Variants in ZNF451 observed in about 807,000 individuals in gnomAD.
The protein encoded by ZNF451 is zinc finger protein 451, also known as E3 SUMO-protein ligase ZNF451.
ZNF451 carries 80 observed loss-of-function variants against 107.1 expected under a neutral mutation model. The observed-to-expected ratio is 0.75, with a 90% confidence interval of 0.62 to 0.90. The LOEUF (loss-of-function observed/expected upper bound fraction) is 0.90. ZNF451 is among the 40% of genes least tolerant of loss of function. ZNF451 has a pLI of 0.00. For synonymous variants in ZNF451, 362 were observed against 406.5 expected (o/e 0.89, Z 1.32); for missense variants, 1,107 against 1,236.2 (o/e 0.90, Z 1.57).
At chr6:57,151,334 T>C (rs1832337171) in intron 11 of ZNF451, 1 of 142,464 alleles carries the variant, frequency 7.0e-6, no homozygotes, top group Non-Finnish European at 1.5e-5. Context: ...ATCGCACCAC[T>C]GCTCTCCAGC....
At chr6:57,127,361 A>G (rs1339262944) in intron 4 of ZNF451, among the ~76,000 whole-genome samples, 2 of 152,208 alleles carry the variant, frequency 1.3e-5, no homozygotes, top group Non-Finnish European at 2.9e-5. Flanking sequence ...AAAAATGTAT[A>G]TAATGCATAT....
intron 3 of ZNF451, among the ~76,000 whole-genome samples, chr6:57,113,801 TTAGTAGAGATG>T (rs1199286415): frequency 2.0e-5 from 3 of 152,002 alleles, no homozygotes; most frequent in Non-Finnish European, 4.4e-5. Flanking sequence ...TTTTGTATTT[TTAGTAGAGATG>T]GGGTTTCACC....
rs1200139580 is a variant in ZNF451 at position 57,148,308 on chromosome 6, T to G, written c.2223T>G (p.Cys741Trp). The G allele has an allele frequency of 1.2e-6, 2 of 1,613,950 alleles. No individual in the cohort carries two copies. The highest frequency in any genetic ancestry group is 1.1e-5 in the South Asian group (1 of 91,062). Residue 741 changes from cysteine (C) to tryptophan (W), a missense_variant, in exon 10 of 15, where the codon TGT becomes TGG. By Grantham distance (215) the Cys-to-Trp change is radical. Coordinates refer to ENST00000370706, the MANE Select transcript of ZNF451 (RefSeq NM_001031623.3). Reference sequence around the variant, plus strand: ...ACAGAAAAGAAGATTATAGCAGATGTCTCCAAATCATGCTGGATAAAGGAA... The same window carrying G: ...ACAGAAAAGAAGATTATAGCAGATGGCTCCAAATCATGCTGGATAAAGGAA... ...KVNRKEDYSRCLQIMLDKGKL... is the reference protein window; with the variant it reads ...KVNRKEDYSRWLQIMLDKGKL...
intron 3 of ZNF451, chr6:57,108,863 C>G: frequency 2.0e-6 from 2 of 985,406 alleles, no homozygotes; most frequent in African/African-American, 3.5e-5. Flanking sequence ...ACTGAAACTT[C>G]ATTAAGTCAT....
chr6:57,098,080 C>T (rs1288680843), intron 2 of ZNF451, among the ~76,000 whole-genome samples: 1 of 150,852 alleles, frequency 6.6e-6, no homozygotes, highest in African/African-American at 2.4e-5. Context: ...AGCAATTCTC[C>T]AGCCTCAGCC....
chr6:57,128,964 A>G, intron 5 of ZNF451, 124 bp downstream of exon 5: 2 of 614,332 alleles, frequency 3.3e-6, no homozygotes, highest in Non-Finnish European at 5.5e-6. Context: ...AGTGATACTA[A>G]TATCACCTCA....
intron 13 of ZNF451, among the ~76,000 whole-genome samples, chr6:57,160,143 T>A (rs891466314): frequency 6.6e-6 from 1 of 152,234 alleles, no homozygotes; most frequent in Non-Finnish European, 1.5e-5. Context: ...ACAGAGTGTT[T>A]CCATGTACCC....
At chr6:57,094,062 G>A (rs1250794216) in intron 2 of ZNF451, among the ~76,000 whole-genome samples, 1 of 152,184 alleles carries the variant, frequency 6.6e-6, no homozygotes, top group African/African-American at 2.4e-5. Flanking sequence ...TACCTTTTTA[G>A]TAGACCATAT....
chr6:57,132,891 C>A, intron 5 of ZNF451, 151 bp from the exon 6 acceptor site: 1 of 752,068 alleles, frequency 1.3e-6, no homozygotes, highest in Admixed American at 3.1e-5. Flanking sequence ...GTTATTATAT[C>A]TTTTATAAGA....
intron 4 of ZNF451, 119 bp downstream of exon 4, chr6:57,124,978 T>C (rs914356626): frequency 1.9e-6 from 1 of 532,498 alleles, no homozygotes; most frequent in Non-Finnish European, 2.9e-6. Context: ...GTACCCTAGA[T>C]AGCTCATGAA....
chr6:57,096,399 T>C (rs2127934060), intron 2 of ZNF451, among the ~76,000 whole-genome samples: 1 of 151,888 alleles, frequency 6.6e-6, no homozygotes, highest in African/African-American at 2.4e-5. Flanking sequence ...TTGGCCAGGC[T>C]GGTCTCAAAT....
chr6:57,167,194 C>T (rs1763939140), intron 14 of ZNF451, among the ~76,000 whole-genome samples: 1 of 151,946 alleles, frequency 6.6e-6, no homozygotes, highest in South Asian at 2.1e-4. Context: ...CACACACACA[C>T]ACACACACAC....
intron 9 of ZNF451, among the ~76,000 whole-genome samples, chr6:57,145,924 A>G (rs1198325415): frequency 6.6e-6 from 1 of 152,208 alleles, no homozygotes; most frequent in Non-Finnish European, 1.5e-5. Flanking sequence ...TCAACAGTGT[A>G]TAAGTGTTCC....
intron 13 of ZNF451, chr6:57,154,526 C>G (rs918957842): frequency 1.3e-4 from 22 of 165,408 alleles, no homozygotes; most frequent in Admixed American, 9.9e-4. Flanking sequence ...TGGGTACATC[C>G]TATCTTATTG....
chr6:57,100,777 A>C lies in ZNF451; in HGVS notation c.186+1636A>C, dbSNP rs746209358. On this transcript the variant is annotated intron_variant, in intron 3 of 14. Coordinates refer to ENST00000370706, the MANE Select transcript of ZNF451 (RefSeq NM_001031623.3). Reference sequence around the variant, plus strand: ...TGTTGAGAACCCATTGGAGAACCAGAAAAATGATCAAAATAATTCAGATAC... The same window carrying C: ...TGTTGAGAACCCATTGGAGAACCAGCAAAATGATCAAAATAATTCAGATAC... 20 of 1,549,484 alleles carry C rather than the reference A, an allele frequency of 1.3e-5. 1 individual carries two copies. The African/African-American group carries it at 2.5e-4, about 19-fold the overall frequency.
chr6:57,124,312 C>G lies in ZNF451; in HGVS notation c.187-422C>G, dbSNP rs765699440. 4 of 658,266 alleles carry G rather than the reference C, an allele frequency of 6.1e-6. No homozygotes were observed. The Admixed American group carries it at 9.4e-5, about 15-fold the overall frequency. The allele number at this position is 658,266 out of a possible 1,614,324, so 40.8% of individuals were successfully genotyped here. On this transcript the variant is annotated intron_variant, in intron 3 of 14. Coordinates refer to ENST00000370706, the MANE Select transcript of ZNF451 (RefSeq NM_001031623.3). ...CCCCCTGGAGTTTTTAACTCTCAGG[C>G]TCGTCCACGCTAAGCATCCATTAGA...
chr6:57,105,901 A>T, intron 3 of ZNF451: 2 of 983,276 alleles, frequency 2.0e-6, no homozygotes, highest in Non-Finnish European at 2.4e-6. Flanking sequence ...TTTTTTTTTT[A>T]AACCGTGTGG....
rs188739117 is a variant in ZNF451, at chr6:57,159,367, T to C, written c.3071-1717T>C. 8.1e-6 allele frequency: 8 copies of C among 985,444 alleles called. No homozygotes were observed. The African/African-American group carries it at 1.4e-4, about 17-fold the overall frequency. 61.0% of individuals were successfully genotyped at this position (985,444 alleles called of 1,614,324 possible). ...CATGCTGCTTTTGACTGATCTTGAC[T>C]TTAAATTGTAATAACAGAAAGCTGT... On this transcript the variant is annotated intron_variant, in intron 13 of 14. Transcript: ENST00000370706.
chr6:57,129,945 A>G (rs1831106715), intron 5 of ZNF451, among the ~76,000 whole-genome samples: 1 of 152,160 alleles, frequency 6.6e-6, no homozygotes, highest in Admixed American at 6.6e-5. Context: ...TTTATTCTAT[A>G]TAAGTTTGGT....
Sources: gnomAD v4.1 joint callset for allele counts (sites outside exome capture counted in the v4.1 genomes callset) on GRCh38, gnomAD v4.1.1 for gene constraint, MANE v1.5 for transcripts, NCBI Gene and HGNC (gene_info 2026-07-23, HGNC 2026-07-21) for gene names.